CNST: variants seen among roughly 807,000 people sequenced by gnomAD.
CNST encodes the protein consortin, connexin sorting protein, also known as consortin.
CNST carries 39 observed loss-of-function variants against 72.4 expected under a neutral mutation model. The ratio of observed to expected loss-of-function variants is 0.54; its 90% CI spans 0.42 to 0.70. CNST has a LOEUF of 0.70. CNST is among the 30% of genes least tolerant of loss of function. The pLI is 0.00. For missense variants in CNST, 871 were observed against 868.5 expected, an observed-to-expected ratio of 1.00 and a Z score of -0.04; for synonymous variants, 332 against 320.1, an observed-to-expected ratio of 1.04 and a Z score of -0.40.
chr1:246,593,416 G>C (rs574195679), intron 2 of CNST, among the ~76,000 whole-genome samples: 36 of 151,340 alleles, frequency 2.4e-4, no homozygotes, highest in Non-Finnish European at 4.3e-4. Flanking sequence ...TCCGCCTCCT[G>C]GATTCAAGCA....
At chr1:246,602,896 A>AG (rs1480647049) in intron 2 of CNST, among the ~76,000 whole-genome samples, 1 of 47,542 alleles carries the variant, frequency 2.1e-5, no homozygotes, top group East Asian at 8.2e-4. Flanking sequence ...CTTTTTGTCT[A>AG]GTTTTTTTTT....
chr1:246,643,208 C>A (rs1665836421), intron 8 of CNST, among the ~76,000 whole-genome samples: 1 of 152,092 alleles, frequency 6.6e-6, no homozygotes, highest in South Asian at 2.1e-4. Flanking sequence ...TTACTCTTTA[C>A]AAAGTATATT....
intron 8 of CNST, among the ~76,000 whole-genome samples, chr1:246,645,262 G>A (rs1665965924): frequency 6.7e-6 from 1 of 150,330 alleles, no homozygotes. Context: ...TAGTATTAAA[G>A]TATCAATATG....
Position 246,647,478 on chromosome 1 carries a change from C to G in CNST, c.1277C>G (p.Ser426Cys), listed in dbSNP as rs1432372462. ...GCTGAAGACCCTAAGGTGTTTCTTT[C>G]CAGCAAGTCAAAGACAGAGCCGTTG... ...GIAEDPKVFLSSKSKTEPLIS... is the reference protein window; with the variant it reads ...GIAEDPKVFLCSKSKTEPLIS... The change falls in exon 9 of 11, where the codon TCC becomes TGC. Residue 426 changes from serine to cysteine, a missense_variant. Transcript: ENST00000366513. The G allele has an allele frequency of 1.2e-6, 2 of 1,614,182 alleles. No individual in the cohort carries two copies. The highest frequency in any genetic ancestry group is 3.3e-5 in the Admixed American group (2 of 60,020).
rs1265878459 is a variant in CNST at position 246,656,891 on chromosome 1, C to G, written c.1837-3308C>G. ...GCTGCAGCGAGCTGTCAGCATGCCA[C>G]TGCACTCCAGCCTGGGCAACAGAGT... On this transcript the variant is annotated intron_variant, in intron 9 of 10. Coordinates refer to ENST00000366513, the MANE Select transcript of CNST (RefSeq NM_152609.3). Among the ~76,000 whole-genome samples the G allele has an allele frequency of 2.0e-5, 3 of 152,024 alleles. No individual in the cohort carries two copies. In the East Asian group the frequency reaches 5.8e-4, roughly 29 times the overall value.
intron 9 of CNST, chr1:246,648,269 C>A: frequency 7.9e-7 from 1 of 1,262,598 alleles, no homozygotes. Context: ...ATGCCTCCAG[C>A]TAGAGTGAGC....
At chr1:246,566,865 G>A (rs558119037) in intron 1 of CNST, 5 of 390,696 alleles carry the variant, frequency 1.3e-5, no homozygotes, top group Non-Finnish European at 2.3e-5. Context: ...CAGCTACTGT[G>A]GGTCTCCTAT....
chr1:246,642,160 T>C (rs2103121444), intron 8 of CNST, 123 bp downstream of exon 8: 1 of 515,140 alleles, frequency 1.9e-6, no homozygotes, highest in South Asian at 2.8e-5. Context: ...TTTTTGCACT[T>C]ACATTTTTGT....
At chr1:246,600,747 T>TG (rs1290723291) in intron 2 of CNST, among the ~76,000 whole-genome samples, 2 of 152,182 alleles carry the variant, frequency 1.3e-5, no homozygotes, top group Admixed American at 1.3e-4. Flanking sequence ...GTCAGGTGTC[T>TG]GGGGTGTCGT....
At chr1:246,648,887 G>T (rs1666286691) in intron 9 of CNST, among the ~76,000 whole-genome samples, 1 of 152,000 alleles carries the variant, frequency 6.6e-6, no homozygotes. Context: ...AAATAAGGGG[G>T]AAAATGAAAA....
At chr1:246,640,807 C>T (rs1665635121) in intron 6 of CNST, among the ~76,000 whole-genome samples, 1 of 152,086 alleles carries the variant, frequency 6.6e-6, no homozygotes, top group Non-Finnish European at 1.5e-5. Context: ...TAACTCCCCC[C>T]ATATCATTTT....
At position 246,605,613 on chromosome 1, in the gene CNST, G is replaced by A. The variant is rs549852523; in HGVS notation, c.379+13672G>A. 3.6e-3 allele frequency among the ~76,000 whole-genome samples: 543 copies of A among 151,966 alleles called. 3 individuals are homozygous for A. Among genetic ancestry groups the A allele is most frequent in the African/African-American group, 0.013 (523 of 41,328 alleles). On this transcript the variant is annotated intron_variant, in intron 2 of 10. Coordinates refer to ENST00000366513, the MANE Select transcript of CNST (RefSeq NM_152609.3). Reference sequence around the variant, plus strand: ...CCCTGTCTGATGTAACGGCTACGTGGTACCTGGATGGCCTCTCTGTCTATC... The same window carrying A: ...CCCTGTCTGATGTAACGGCTACGTGATACCTGGATGGCCTCTCTGTCTATC...
rs1667376531 is a variant in CNST at position 246,666,011 on chromosome 1, G to A, written c.*106G>A. 1 of 774,226 alleles carries A rather than the reference G, an allele frequency of 1.3e-6. No individual in the cohort carries two copies. The highest frequency in any genetic ancestry group is 2.7e-5 in the Admixed American group (1 of 36,670). The allele number at this position is 774,226 out of a possible 1,614,324, so 48.0% of individuals were successfully genotyped here. ...GTAGCATTCCCCCTTCCCTCTGTTA[G>A]GAACCAAGGACATCAGAAATAGCAA... On this transcript the variant is annotated 3_prime_UTR_variant, in exon 11 of 11. Transcript: ENST00000366513.
intron 2 of CNST, among the ~76,000 whole-genome samples, chr1:246,620,699 G>A (rs1202306390): frequency 1.5e-5 from 2 of 133,580 alleles, no homozygotes; most frequent in African/African-American, 2.9e-5. Context: ...CAGGGAGGAC[G>A]GCTTCAGTCG....
rs567294813 is a variant in CNST at position 246,624,012 on chromosome 1, G to A, written c.585+2378G>A. Among the ~76,000 whole-genome samples the A allele has an allele frequency of 2.6e-5, 4 of 152,212 alleles. No homozygotes were observed. In the East Asian group the frequency reaches 5.8e-4, roughly 22 times the overall value. On this transcript the variant is annotated intron_variant, in intron 3 of 10. Transcript: ENST00000366513. ...CAGGAGTTTGAGGCTGCAATGAGCCGTGATTCCATCACTGCACTCCAGCCT... is the reference window on the plus strand; with the variant it reads ...CAGGAGTTTGAGGCTGCAATGAGCCATGATTCCATCACTGCACTCCAGCCT...
At chr1:246,621,951 C>T (rs1664122607) in intron 3 of CNST, among the ~76,000 whole-genome samples, 1 of 152,142 alleles carries the variant, frequency 6.6e-6, no homozygotes, top group Non-Finnish European at 1.5e-5. Context: ...GCTGACATTG[C>T]ACCACTGCAC....
intron 2 of CNST, among the ~76,000 whole-genome samples, chr1:246,616,077 C>T (rs1338453512): frequency 2.6e-5 from 4 of 152,092 alleles, no homozygotes; most frequent in Admixed American, 1.3e-4. Flanking sequence ...TTGGCTTTCA[C>T]GGATGACAAC....
At chr1:246,641,665 A>G (rs889938100) in intron 6 of CNST, 84 bp from the exon 7 acceptor site, 19 of 768,974 alleles carry the variant, frequency 2.5e-5, no homozygotes, top group Non-Finnish European at 4.0e-5. Flanking sequence ...GTATTTTTTT[A>G]TAGCCATTTC....
intron 6 of CNST, among the ~76,000 whole-genome samples, chr1:246,634,951 T>TGGTGTGTGTCTTCCGGCCGG (rs201316654): frequency 0.023 from 1,858 of 80,698 alleles, 21 homozygotes; most frequent in Middle Eastern, 0.077. Context: ...CTATCCTCGG[T>TGGTGTGTGTCTTCCGGCCGG]GGTGCGTGTC....
Sources: gnomAD v4.1 joint callset for allele counts (sites outside exome capture counted in the v4.1 genomes callset) on GRCh38, gnomAD v4.1.1 for gene constraint, MANE v1.5 for transcripts, NCBI Gene and HGNC (gene_info 2026-07-23, HGNC 2026-07-21) for gene names.